Variants in TH observed in about 807,000 individuals in gnomAD.
TH encodes tyrosine 3-monooxygenase.
Under a neutral mutation model 57.4 loss-of-function variants are expected in TH, and 49 were observed. The ratio of observed to expected loss-of-function variants is 0.85; its 90% CI spans 0.68 to 1.08. The LOEUF (loss-of-function observed/expected upper bound fraction) is 1.08, where lower values mean the gene tolerates loss of function less well. TH is among the 50% of genes least tolerant of loss of function. TH has a pLI of 0.00. For missense variants in TH, 720 were observed against 696.7 expected, an observed-to-expected ratio of 1.03 and a Z score of -0.38; for synonymous variants, 330 against 304.5, an observed-to-expected ratio of 1.08 and a Z score of -0.87.
At position 2,164,425 on chromosome 11, in the gene TH, T is replaced by C. The variant is rs376731311; in HGVS notation, c.1335-33A>G. 88 of 1,541,802 alleles carry C rather than the reference T, an allele frequency of 5.7e-5. No homozygotes were observed. The African/African-American group carries it at 1.1e-3, about 19-fold the overall frequency. ...GGAGAGCGGCAGAGCCCTCGTCAAC[T>C]GGCGGGCAGAGTCTGCAGCCTCCAG... On this transcript the variant is annotated intron_variant, in intron 12 of 12. Transcript: ENST00000352909.
Position 2,166,639 on chromosome 11 carries a change from G to C in TH, c.971C>G (p.Pro324Arg), listed in dbSNP as rs777379609. The C allele has an allele frequency of 7.6e-6, 12 of 1,579,904 alleles. No homozygotes were observed. Among genetic ancestry groups the C allele is most frequent in the Non-Finnish European group, 9.4e-6 (11 of 1,164,244 alleles). The part of the protein sequence containing the change: ...IRHASSPMHS[P>R]EPDCCHELLG... ...GGCCAGGGCGCGCACTCACGGCTCAGGGGAGTGCATGGGCGAGGACGCGTG... is the reference window on the plus strand; with the variant it reads ...GGCCAGGGCGCGCACTCACGGCTCACGGGAGTGCATGGGCGAGGACGCGTG... Residue 324 changes from proline (P) to arginine (R), a missense_variant, in exon 8 of 13, where the codon CCT (proline) becomes CGT (arginine). Physicochemically the swap from Pro to Arg is moderately radical, Grantham distance 103. Coordinates refer to ENST00000352909, the MANE Select transcript of TH (RefSeq NM_000360.4).
rs1273102126 is a variant in TH, at chr11:2,166,023, C to T, written c.1083G>A (p.Glu361=). ...CCACCGTGGACAGCTTCTCAATTTCCTCATCCGAGGCCCCCAGGGACGCCA... is the reference window on the plus strand; with the variant it reads ...CCACCGTGGACAGCTTCTCAATTTCTTCATCCGAGGCCCCCAGGGACGCCA... ...IGLASLGASD[E]EIEKLSTLYW... The change falls in exon 10 of 13, where the codon GAG becomes GAA. Residue 361 remains glutamate (E), a synonymous_variant. Coordinates refer to ENST00000352909, the MANE Select transcript of TH (RefSeq NM_000360.4). 1 of 1,561,598 alleles carries T rather than the reference C, an allele frequency of 6.4e-7. No individual in the cohort carries two copies. The highest frequency in any genetic ancestry group is 8.7e-7 in the Non-Finnish European group (1 of 1,152,906).
At chr11:2,167,245 T>C (rs1398604094) in intron 6 of TH, 190 bp downstream of exon 6, 2 of 959,594 alleles carry the variant, frequency 2.1e-6, no homozygotes, top group Non-Finnish European at 3.1e-6. Context: ...CTCAGCACAC[T>C]GGGGATGGCC....
intron 2 of TH, among the ~76,000 whole-genome samples, chr11:2,169,110 C>T (rs2133698633): frequency 6.6e-6 from 1 of 152,288 alleles, no homozygotes; most frequent in South Asian, 2.1e-4. Flanking sequence ...CCTCCTGTTG[C>T]CTAGCAACAA....
chr11:2,166,754 G>A lies in TH; in HGVS notation c.856C>T (p.Gln286Ter), dbSNP rs1846103267. The A allele has an allele frequency of 1.3e-6, 2 of 1,549,390 alleles. No homozygotes were observed. The highest frequency in any genetic ancestry group is 1.7e-6 in the Non-Finnish European group (2 of 1,146,584). The change falls in exon 8 of 13, where the codon CAG (glutamine) becomes TAG (stop). Residue 286 changes from glutamine (Q) to a stop codon, truncating the protein, a stop_gained. Coordinates refer to ENST00000352909, the MANE Select transcript of TH (RefSeq NM_000360.4). LOFTEE classifies it high-confidence loss of function. ...AGCAGGCCGGCCACAGGCCGCAGCT[G>A]GAAGCCCGTGCGCTCTGCAAGGGGC... ...SRFLKERTGFQLRPVAGLLSA... is the reference protein window; with the variant it reads ...SRFLKERTGF
intron 1 of TH, 46 bp from the exon 2 acceptor site, chr11:2,169,917 C>T (rs952772295): frequency 1.2e-5 from 19 of 1,566,890 alleles, no homozygotes; most frequent in Middle Eastern, 2.3e-4. Flanking sequence ...TGCTGAGACC[C>T]GGGGACCTCC....
chr11:2,167,442 C>A lies in TH; in HGVS notation c.688G>T (p.Ala230Ser). The A allele has an allele frequency of 6.4e-7, 1 of 1,562,420 alleles. No homozygotes were observed. The highest frequency in any genetic ancestry group is 8.7e-7 in the Non-Finnish European group (1 of 1,153,280). The change falls in exon 6 of 13, where the codon GCC becomes TCC. Residue 230 changes from alanine to serine, a missense_variant. Coordinates refer to ENST00000352909, the MANE Select transcript of TH (RefSeq NM_000360.4). Reference sequence around the variant, plus strand: ...GCTGCACGGAGGTCTCACCAGGTGGCAATCTCCTCGGCGGTGTACTCCACA... The same window carrying A: ...GCTGCACGGAGGTCTCACCAGGTGGAAATCTCCTCGGCGGTGTACTCCACA... ...PRVEYTAEEI[A>S]TWKEVYTTLK...
At position 2,168,118 on chromosome 11, in the gene TH, G is replaced by C. The variant is rs756278325; in HGVS notation, c.549C>G (p.Phe183Leu). ...LDKCHHLVTK[F>L]DPDLDLDHPG... ...GGTGGTCCAAGTCCAGGTCAGGGTCGAACTTGGTGACCAGGTGATGACACT... is the reference window on the plus strand; with the variant it reads ...GGTGGTCCAAGTCCAGGTCAGGGTCCAACTTGGTGACCAGGTGATGACACT... Residue 183 changes from phenylalanine (F) to leucine (L), a missense_variant, in exon 4 of 13, where the codon TTC becomes TTG. By Grantham distance (22) the Phe-to-Leu change is conservative. Coordinates refer to ENST00000352909, the MANE Select transcript of TH (RefSeq NM_000360.4). 12 of 1,613,566 alleles carry C rather than the reference G, an allele frequency of 7.4e-6. No homozygotes were observed. In the South Asian group the frequency reaches 1.3e-4, roughly 18 times the overall value.
chr11:2,165,508 TGTG>T, intron 11 of TH, 143 bp from the exon 12 acceptor site: 1 of 1,408,474 alleles, frequency 7.1e-7, no homozygotes, highest in Non-Finnish European at 9.9e-7. Context: ...CCTGGGATAA[TGTG>T]GGGTGAGGAC....
At chr11:2,168,804 A>G in intron 2 of TH, 139 bp from the exon 3 acceptor site, 2 of 1,067,878 alleles carry the variant, frequency 1.9e-6, no homozygotes, top group Non-Finnish European at 2.8e-6. Context: ...CAGCACACAG[A>G]TCCCGTTCTT....
rs370029424 is a variant in TH, at chr11:2,164,338, C to A, written c.1389G>T (p.Thr463=). ...GGCTGTCCAGCACGTCGATGGCCAG[C>A]GTGTACGGGTCGAACTTCACGGAGA... ...RPFSVKFDPY[T]LAIDVLDSPQ... Residue 463 remains threonine, a synonymous_variant, in exon 13 of 13, where the codon ACG becomes ACT. Coordinates refer to ENST00000352909, the MANE Select transcript of TH (RefSeq NM_000360.4). 8.4e-6 allele frequency: 13 copies of A among 1,541,956 alleles called. No individual in the cohort carries two copies. The highest frequency in any genetic ancestry group is 3.5e-4 in the Middle Eastern group (2 of 5,768).
chr11:2,171,238 T>C lies in TH; in HGVS notation c.90+459A>G, dbSNP rs1358771743. Among the ~76,000 whole-genome samples, 1 of 151,564 alleles carries C rather than the reference T, an allele frequency of 6.6e-6. No individual in the cohort carries two copies. The highest frequency in any genetic ancestry group is 2.4e-5 in the African/African-American group (1 of 41,224). On this transcript the variant is annotated intron_variant, in intron 1 of 12. Transcript: ENST00000352909. The surrounding 1 kb of genome is among the most constrained non-coding windows in gnomAD (Gnocchi z 8.6). ...CTGCTGCTAGAGCCTGGGAAGGGCCTTGGGGCTGCCTCCCCAAGCAGGCAG... is the reference window on the plus strand; with the variant it reads ...CTGCTGCTAGAGCCTGGGAAGGGCCCTGGGGCTGCCTCCCCAAGCAGGCAG...
chr11:2,170,798 C>G lies in TH; in HGVS notation c.90+899G>C, dbSNP rs1846232394. The G allele has an allele frequency of 3.8e-5, 5 of 132,768 alleles. No individual in the cohort carries two copies. The highest frequency in any genetic ancestry group is 5.4e-5 in the Non-Finnish European group (5 of 92,428). The allele number at this position is 132,768 out of a possible 1,614,324, so 8.2% of individuals were successfully genotyped here. A position where few individuals can be genotyped will look rare whatever the true frequency, so the allele number is the denominator to read the frequency against. On this transcript the variant is annotated intron_variant, in intron 1 of 12. Coordinates refer to ENST00000352909, the MANE Select transcript of TH (RefSeq NM_000360.4). This position sits in a 1 kb window ranked among gnomAD's most constrained non-coding sequence, Gnocchi z 6.0. ...GGGGAGGGGATGCCTGATGGGGAGCCTGGTGGGGGAGGGTAGGGGAGGGCG... is the reference window on the plus strand; with the variant it reads ...GGGGAGGGGATGCCTGATGGGGAGCGTGGTGGGGGAGGGTAGGGGAGGGCG...
chr11:2,167,388 G>A (rs1170497084), intron 6 of TH, 47 bp downstream of exon 6: 34 of 1,546,804 alleles, frequency 2.2e-5, no homozygotes, highest in Non-Finnish European at 3.0e-5. Context: ...ATTCCAGGAG[G>A]CATCCCCCGG....
At chr11:2,165,486 G>A (rs1418429720) in intron 11 of TH, 121 bp from the exon 12 acceptor site, 2 of 1,465,304 alleles carry the variant, frequency 1.4e-6, no homozygotes, top group Non-Finnish European at 1.9e-6. Flanking sequence ...TCCCCCGCCG[G>A]GCCTTCGGAG....
At chr11:2,169,375 T>A (rs1408136653) in intron 2 of TH, among the ~76,000 whole-genome samples, 1 of 151,518 alleles carries the variant, frequency 6.6e-6, no homozygotes, top group East Asian at 1.9e-4. Context: ...TGGGAAATGG[T>A]GGGTGAGGGG....
rs866672205 is a variant in TH, at chr11:2,168,275, G to C, written c.488-96C>G. The C allele has an allele frequency of 2.8e-6, 4 of 1,443,038 alleles. No individual in the cohort carries two copies. The Admixed American group carries it at 5.2e-5, about 19-fold the overall frequency. 89.4% of individuals were successfully genotyped at this position (1,443,038 alleles called of 1,614,324 possible). A position where few individuals can be genotyped will look rare whatever the true frequency, so the allele number is the denominator to read the frequency against. On this transcript the variant is annotated intron_variant, in intron 3 of 12. Coordinates refer to ENST00000352909, the MANE Select transcript of TH (RefSeq NM_000360.4). ...AGCCTCCCCTACAAGACTTCCGGGG[G>C]GCAGAGGCAGCCGGGGCTGTGAGAG...
Position 2,170,222 on chromosome 11 carries a change from G to A in TH, c.91-351C>T, listed in dbSNP as rs1292753830. ...TAACTGGATTAGTGATGGGAAGAGG[G>A]CGATGTCTTGATGGACAGTGGCATC... On this transcript the variant is annotated intron_variant, in intron 1 of 12. Transcript: ENST00000352909. This position sits in a 1 kb window ranked among gnomAD's most constrained non-coding sequence, Gnocchi z 6.0. Among the ~76,000 whole-genome samples, 1 of 152,168 alleles carries A rather than the reference G, an allele frequency of 6.6e-6. No homozygotes were observed. The highest frequency in any genetic ancestry group is 2.4e-5 in the African/African-American group (1 of 41,428).
chr11:2,168,936 GGT>G (rs1424496231), intron 2 of TH, among the ~76,000 whole-genome samples: 2 of 152,158 alleles, frequency 1.3e-5, no homozygotes, highest in Non-Finnish European at 2.9e-5. Context: ...TGGGCGGCTC[GGT>G]GTGTGTGTCC....
Sources: allele counts gnomAD v4.1 joint callset (sites outside exome capture counted in the v4.1 genomes callset), GRCh38; gene constraint gnomAD v4.1.1; non-coding constraint Gnocchi (gnomAD v3.1); transcripts MANE v1.5; gene names NCBI Gene and HGNC (gene_info 2026-07-23, HGNC 2026-07-21).